The following ABI1 variants were observed in gnomAD, a reference collection of about 807,000 sequenced individuals.
ABI1 encodes the protein abl interactor 1.
ABI1 carries 14 observed loss-of-function variants against 54.6 expected under a neutral mutation model. The observed-to-expected ratio is 0.26, with a 90% confidence interval of 0.17 to 0.40. ABI1 has a LOEUF of 0.40. Ranked by LOEUF, ABI1 falls within the 10% of genes least tolerant of loss-of-function variation. The pLI, the probability that ABI1 is intolerant of heterozygous loss-of-function variation, is 1.00. For synonymous variants in ABI1, 194 were observed against 209.3 expected, an observed-to-expected ratio of 0.93 and a Z score of 0.63; for missense variants, 443 against 598.3, an observed-to-expected ratio of 0.74 and a Z score of 2.71.
At chr10:26,823,970 A>G (rs959770988) in intron 1 of ABI1, among the ~76,000 whole-genome samples, 13 of 152,044 alleles carry the variant, frequency 8.6e-5, no homozygotes, top group African/African-American at 3.1e-4. Context: ...TAAAAATGAA[A>G]AAAAAAAAGG....
intron 2 of ABI1, among the ~76,000 whole-genome samples, chr10:26,817,339 C>A (rs1398163638): frequency 1.3e-5 from 2 of 152,162 alleles, no homozygotes; most frequent in South Asian, 2.1e-4. Flanking sequence ...CAGTCATTTG[C>A]CAGACATTGT....
intron 2 of ABI1, among the ~76,000 whole-genome samples, chr10:26,801,358 G>A (rs2046545769): frequency 6.6e-6 from 1 of 152,002 alleles, no homozygotes; most frequent in African/African-American, 2.4e-5. Flanking sequence ...ACCAGCCTGG[G>A]CAATATGGCA....
At chr10:26,813,431 A>C (rs1428777888) in intron 2 of ABI1, among the ~76,000 whole-genome samples, 1 of 152,226 alleles carries the variant, frequency 6.6e-6, no homozygotes, top group Non-Finnish European at 1.5e-5. Flanking sequence ...CGGAGAGCCA[A>C]AAGAAACTAC....
chr10:26,762,650 T>C (rs1272281575), intron 7 of ABI1, among the ~76,000 whole-genome samples: 3 of 152,232 alleles, frequency 2.0e-5, no homozygotes, highest in Non-Finnish European at 2.9e-5. Flanking sequence ...GCAATGACTT[T>C]ATCATACTTC....
At chr10:26,799,153 A>AT (rs1478800869) in intron 2 of ABI1, among the ~76,000 whole-genome samples, 1 of 152,030 alleles carries the variant, frequency 6.6e-6, no homozygotes, top group Admixed American at 6.6e-5. Flanking sequence ...AGAAGAGGCA[A>AT]TTTTTTTAGC....
intron 2 of ABI1, among the ~76,000 whole-genome samples, chr10:26,788,049 C>T (rs193034900): frequency 3.3e-5 from 5 of 152,242 alleles, no homozygotes; most frequent in South Asian, 2.1e-4. Flanking sequence ...ATAATTCTCA[C>T]GTGTTGTGGG....
chr10:26,755,865 G>A, intron 8 of ABI1, 124 bp from the exon 9 acceptor site: 2 of 596,398 alleles, frequency 3.4e-6, no homozygotes, highest in East Asian at 2.9e-5. Context: ...GTTTGCAAAT[G>A]AAACAAAACA....
At chr10:26,776,905 G>A in intron 3 of ABI1, 160 bp downstream of exon 3, 1 of 598,312 alleles carries the variant, frequency 1.7e-6, no homozygotes, top group Non-Finnish European at 2.7e-6. Flanking sequence ...TGATAAAATT[G>A]CACCCCAACC....
At position 26,786,233 on chromosome 10, in the gene ABI1, T is replaced by C. The variant is rs117004161; in HGVS notation, c.286-8992A>G. Among the ~76,000 whole-genome samples, 2,674 of 150,892 alleles carry C rather than the reference T, an allele frequency of 0.018. 185 individuals are homozygous for C. In the South Asian group the frequency reaches 0.19, roughly 11 times the overall value. ...TGCCTCTCTACACTTTTTTTTTTTT[T>C]GACAGGGTCTTGCTCTGTCGCCTAG... On this transcript the variant is annotated intron_variant, in intron 2 of 10. Coordinates refer to ENST00000376140, the MANE Select transcript of ABI1 (RefSeq NM_001012750.3).
At chr10:26,847,009 T>C (rs2050033316) in intron 1 of ABI1, among the ~76,000 whole-genome samples, 1 of 146,540 alleles carries the variant, frequency 6.8e-6, no homozygotes, top group Admixed American at 6.8e-5. Context: ...AGTTATTTGA[T>C]TAATGGAGGA....
chr10:26,834,836 CTCAT>C, intron 1 of ABI1, among the ~76,000 whole-genome samples: 1 of 152,018 alleles, frequency 6.6e-6, no homozygotes. Flanking sequence ...GGCACAGTAG[CTCAT>C]GCCTGTAATC....
At chr10:26,786,109 AT>A (rs1842704001) in intron 2 of ABI1, among the ~76,000 whole-genome samples, 2 of 152,198 alleles carry the variant, frequency 1.3e-5, no homozygotes, top group Non-Finnish European at 2.9e-5. Flanking sequence ...CAATTCACAT[AT>A]TCTGACCACC....
intron 1 of ABI1, among the ~76,000 whole-genome samples, chr10:26,852,297 T>G (rs1319605709): frequency 1.3e-5 from 2 of 151,920 alleles, no homozygotes; most frequent in African/African-American, 4.8e-5. Flanking sequence ...CTGACCAACA[T>G]GGAGAAACCC....
At chr10:26,832,694 A>G (rs1011997367) in intron 1 of ABI1, among the ~76,000 whole-genome samples, 1 of 152,222 alleles carries the variant, frequency 6.6e-6, no homozygotes, top group African/African-American at 2.4e-5. Flanking sequence ...TTTATACACT[A>G]TGAAGTACAC....
In ABI1 at chr10:26,860,945, C is replaced by T; in HGVS notation, c.-82G>A. 1 of 1,304,644 alleles carries T rather than the reference C, an allele frequency of 7.7e-7. No individual in the cohort carries two copies. The highest frequency in any genetic ancestry group is 1.2e-5 in the South Asian group (1 of 84,676). The allele number at this position is 1,304,644 out of a possible 1,614,324, so 80.8% of individuals were successfully genotyped here. On this transcript the variant is annotated 5_prime_UTR_variant, in exon 1 of 11. Coordinates refer to ENST00000376140, the MANE Select transcript of ABI1 (RefSeq NM_001012750.3). The surrounding 1 kb of genome is among the most constrained non-coding windows in gnomAD (Gnocchi z 4.1). ...CGCCGAGGCTCCGAGCACCTCACAGCCCGGATACAAACCGCCTACCCGCCC... is the reference window on the plus strand; with the variant it reads ...CGCCGAGGCTCCGAGCACCTCACAGTCCGGATACAAACCGCCTACCCGCCC...
intron 2 of ABI1, among the ~76,000 whole-genome samples, chr10:26,795,689 GAGA>G (rs1588901081): frequency 6.6e-6 from 1 of 151,764 alleles, no homozygotes; most frequent in Admixed American, 6.6e-5. Flanking sequence ...AAATTTAACC[GAGA>G]AGGTTAAAGA....
chr10:26,842,643 T>A (rs2049612250), intron 1 of ABI1, among the ~76,000 whole-genome samples: 1 of 152,146 alleles, frequency 6.6e-6, no homozygotes. Context: ...CAAAAATGTG[T>A]ACAATTAAAC....
intron 2 of ABI1, among the ~76,000 whole-genome samples, chr10:26,817,450 A>C (rs554526394): frequency 6.6e-6 from 1 of 152,306 alleles, no homozygotes; most frequent in Admixed American, 6.5e-5. Context: ...TTTGTCCTAA[A>C]ATCTAAAAAG....
intron 5 of ABI1, 152 bp downstream of exon 5, chr10:26,770,093 G>A: frequency 1.6e-6 from 1 of 624,382 alleles, no homozygotes; most frequent in East Asian, 2.8e-5. Flanking sequence ...TTGGGATTCT[G>A]TTCAGGAAAA....
Sources: allele counts gnomAD v4.1 joint callset (sites outside exome capture counted in the v4.1 genomes callset), GRCh38; gene constraint gnomAD v4.1.1; non-coding constraint Gnocchi (gnomAD v3.1); transcripts MANE v1.5; gene names NCBI Gene and HGNC (gene_info 2026-07-23, HGNC 2026-07-21).